PTK7: variants seen among roughly 807,000 people sequenced by gnomAD.
The protein encoded by PTK7 is inactive tyrosine-protein kinase 7.
A neutral mutation model predicts 116.6 loss-of-function variants in PTK7; 39 were observed. The observed-to-expected ratio is 0.33, with a 90% CI of 0.26 to 0.44. PTK7 has a LOEUF of 0.44. Among genes scored for constraint, PTK7 ranks in the 20% least tolerant of loss-of-function variants. The pLI is 1.00. For synonymous variants in PTK7, 546 were observed against 563.6 expected, an observed-to-expected ratio of 0.97 and a Z score of 0.44; for missense variants, 1,169 against 1,425.6, an observed-to-expected ratio of 0.82 and a Z score of 2.90.
rs780381822 is a variant in PTK7, at chr6:43,139,125, C to T, written c.1363-11C>T. On this transcript the variant is annotated splice_polypyrimidine_tract_variant and intron_variant, in intron 8 of 19. Coordinates refer to ENST00000230419, the MANE Select transcript of PTK7 (RefSeq NM_002821.5). The surrounding 1 kb of genome is among the most constrained non-coding windows in gnomAD (Gnocchi z 4.6). ...GGGTTCAGGCTCTGAGGCCTCTCACCTGTGCTGCAGGACTCACGGTTCGAG... is the reference window on the plus strand; with the variant it reads ...GGGTTCAGGCTCTGAGGCCTCTCACTTGTGCTGCAGGACTCACGGTTCGAG... 7 of 1,614,076 alleles carry T rather than the reference C, an allele frequency of 4.3e-6. No homozygotes were observed. In the South Asian group the frequency reaches 6.6e-5, roughly 15 times the overall value.
chr6:43,156,192 G>A (rs1313408559), intron 17 of PTK7, among the ~76,000 whole-genome samples: 2 of 120,252 alleles, frequency 1.7e-5, no homozygotes, highest in Admixed American at 1.1e-4. Flanking sequence ...TCATGCCACT[G>A]TACTCCAGCC....
At chr6:43,099,482 A>C (rs1473298530) in intron 1 of PTK7, among the ~76,000 whole-genome samples, 1 of 151,782 alleles carries the variant, frequency 6.6e-6, no homozygotes, top group African/African-American at 2.4e-5. Flanking sequence ...CAGTCTGCCC[A>C]AAGTGATGGG....
intron 1 of PTK7, among the ~76,000 whole-genome samples, chr6:43,104,409 A>C (rs529768153): frequency 6.6e-6 from 1 of 152,102 alleles, no homozygotes; most frequent in Non-Finnish European, 1.5e-5. Context: ...GTATTTTTTT[A>C]AAATTATTTA....
Position 43,141,878 on chromosome 6 carries a change from G to T in PTK7, c.1769-53G>T. On this transcript the variant is annotated intron_variant, in intron 11 of 19. Transcript: ENST00000230419. The surrounding 1 kb of genome is among the most constrained non-coding windows in gnomAD (Gnocchi z 4.9). ...CCTCTGGGGTAGCACCGTGTACCCTGCCAGCCCCTTGGCTTACCCCTCCCT... is the reference window on the plus strand; with the variant it reads ...CCTCTGGGGTAGCACCGTGTACCCTTCCAGCCCCTTGGCTTACCCCTCCCT... The T allele has an allele frequency of 6.3e-7, 1 of 1,597,776 alleles. No individual in the cohort carries two copies. The highest frequency in any genetic ancestry group is 8.5e-7 in the Non-Finnish European group (1 of 1,170,060).
chr6:43,085,235 AC>A (rs1766586792), intron 1 of PTK7, among the ~76,000 whole-genome samples: 1 of 152,064 alleles, frequency 6.6e-6, no homozygotes, highest in African/African-American at 2.4e-5. Flanking sequence ...CTTCCCAGAG[AC>A]TGTCCTGGCC....
At position 43,132,637 on chromosome 6, in the gene PTK7, C is replaced by T. The variant is rs188773646; in HGVS notation, c.1178C>T (p.Ala393Val). The T allele has an allele frequency of 2.0e-5, 31 of 1,589,622 alleles. No individual in the cohort carries two copies. In the Middle Eastern group the frequency reaches 5.0e-4, roughly 25 times the overall value. The change falls in exon 7 of 20, where the codon GCG becomes GTG. Residue 393 changes from alanine (A) to valine (V), a missense_variant. Physicochemically the swap from Ala to Val is moderately conservative, Grantham distance 64. Around this residue, in one of 3 missense-constraint regions of PTK7, gnomAD observed 487 missense variants for 549.8 expected, o/e 0.89. Transcript: ENST00000230419. ...GATGCTGGTGTCTACACCTGCCACGCGGCCAACCTGGCTGGTCAGCGGAGA... is the reference window on the plus strand; with the variant it reads ...GATGCTGGTGTCTACACCTGCCACGTGGCCAACCTGGCTGGTCAGCGGAGA... ...ESDAGVYTCH[A>V]ANLAGQRRQD... is the part of the protein sequence containing the mutation.
chr6:43,155,724 T>G (rs1358227901), intron 17 of PTK7, among the ~76,000 whole-genome samples: 1 of 152,102 alleles, frequency 6.6e-6, no homozygotes, highest in African/African-American at 2.4e-5. Flanking sequence ...TGGCTCAAAA[T>G]TCTAAAAAGA....
At chr6:43,144,005 T>C (rs941222332) in intron 14 of PTK7, among the ~76,000 whole-genome samples, 10 of 152,182 alleles carry the variant, frequency 6.6e-5, no homozygotes, top group African/African-American at 2.4e-4. Context: ...TATCCCCACT[T>C]CCTGGACTGG....
At chr6:43,136,334 CAAAAA>C (rs59556544) in intron 7 of PTK7, among the ~76,000 whole-genome samples, 1 of 133,416 alleles carries the variant, frequency 7.5e-6, no homozygotes, top group Non-Finnish European at 1.7e-5. Flanking sequence ...GACTCCAACT[CAAAAA>C]AAAAAAAAAC....
chr6:43,129,454 TC>T lies in PTK7; in HGVS notation c.367+192del. On this transcript the variant is annotated intron_variant, in intron 2 of 19. Transcript: ENST00000230419. This position sits in a 1 kb window ranked among gnomAD's most constrained non-coding sequence, Gnocchi z 4.5. Reference sequence around the variant, plus strand: ...AAGTTATATTTTTTCCAAAATTTTTTCCTTCAAGTCTGGGACCCATTTATCT... The same window carrying T: ...AAGTTATATTTTTTCCAAAATTTTTTCTTCAAGTCTGGGACCCATTTATCT... 1.1e-6 allele frequency: 1 copy of T among 909,674 alleles called. No homozygotes were observed. Among genetic ancestry groups the T allele is most frequent in the Non-Finnish European group, 1.6e-6 (1 of 617,776 alleles). The allele number at this position is 909,674 out of a possible 1,614,324, so 56.4% of individuals were successfully genotyped here. A position where few individuals can be genotyped will look rare whatever the true frequency, so the allele number is the denominator to read the frequency against.
chr6:43,138,550 A>C, intron 7 of PTK7: 1 of 240,940 alleles, frequency 4.2e-6, no homozygotes, highest in East Asian at 8.4e-5. Flanking sequence ...GGTCCCAGCT[A>C]TTTGGGAGGC....
At chr6:43,122,133 AC>A (rs1025261372) in intron 1 of PTK7, among the ~76,000 whole-genome samples, 5 of 151,942 alleles carry the variant, frequency 3.3e-5, no homozygotes, top group Non-Finnish European at 7.4e-5. Flanking sequence ...ACAGAATGAG[AC>A]CCTATTTCAA....
intron 1 of PTK7, among the ~76,000 whole-genome samples, chr6:43,115,048 A>AG: frequency 6.6e-6 from 1 of 151,968 alleles, no homozygotes; most frequent in African/African-American, 2.4e-5. Context: ...GTCTCAAAAA[A>AG]AAAAAAACTT....
intron 17 of PTK7, among the ~76,000 whole-genome samples, chr6:43,152,649 G>T (rs549788762): frequency 6.6e-6 from 1 of 152,158 alleles, no homozygotes; most frequent in African/African-American, 2.4e-5. Context: ...TTTCTGTGCT[G>T]GTCAATATAG....
intron 1 of PTK7, among the ~76,000 whole-genome samples, chr6:43,107,960 G>A (rs1461318929): frequency 2.0e-5 from 3 of 152,202 alleles, no homozygotes; most frequent in East Asian, 1.9e-4. Flanking sequence ...AGCGGTATTA[G>A]GGTTTTAACA....
chr6:43,154,348 T>C (rs1771294254), intron 17 of PTK7, among the ~76,000 whole-genome samples: 1 of 151,986 alleles, frequency 6.6e-6, no homozygotes, highest in South Asian at 2.1e-4. Context: ...AAAAAAGTTT[T>C]AATTAAATTT....
intron 17 of PTK7, among the ~76,000 whole-genome samples, chr6:43,154,367 A>T (rs1245195772): frequency 6.6e-6 from 1 of 152,092 alleles, no homozygotes; most frequent in African/African-American, 2.4e-5. Context: ...TTAAATAGCC[A>T]CATGGGGATA....
Position 43,141,473 on chromosome 6 carries a change from A to G in PTK7, c.1619-195A>G, listed in dbSNP as rs1042315522. Among the ~76,000 whole-genome samples the G allele has an allele frequency of 6.6e-6, 1 of 152,138 alleles. No individual in the cohort carries two copies. The highest frequency in any genetic ancestry group is 2.1e-4 in the South Asian group (1 of 4,828). ...AATGTCACACAGGGCAGTAGGAGGA[A>G]GAGGTGAGACTGAAGAATTGGAAGA... is the stretch of plus-strand genomic sequence containing the variant. On this transcript the variant is annotated intron_variant, in intron 10 of 19. Coordinates refer to ENST00000230419, the MANE Select transcript of PTK7 (RefSeq NM_002821.5). This position sits in a 1 kb window ranked among gnomAD's most constrained non-coding sequence, Gnocchi z 4.9.
At chr6:43,147,124 G>C (rs1053625235) in intron 17 of PTK7, among the ~76,000 whole-genome samples, 6 of 152,246 alleles carry the variant, frequency 3.9e-5, no homozygotes, top group African/African-American at 1.4e-4. Context: ...CTTCAGCTCT[G>C]AGTGGAGAAG....
Sources: allele counts gnomAD v4.1 joint callset (sites outside exome capture counted in the v4.1 genomes callset), GRCh38; gene constraint gnomAD v4.1.1; regional missense constraint gnomAD v4.1.1; non-coding constraint Gnocchi (gnomAD v3.1); transcripts MANE v1.5; gene names NCBI Gene and HGNC (gene_info 2026-07-23, HGNC 2026-07-21).